MSRA: variants seen among roughly 807,000 people sequenced by gnomAD.
MSRA encodes mitochondrial peptide methionine sulfoxide reductase.
A neutral mutation model predicts 31.3 loss-of-function variants in MSRA; 54 were observed. That is an observed-to-expected ratio of 1.73 (90% CI 1.39 to 2.17). The LOEUF (loss-of-function observed/expected upper bound fraction) is 2.17. MSRA is among the 30% of genes most tolerant of loss of function. The pLI, the probability that MSRA is intolerant of heterozygous loss-of-function variation, is 0.00. For synonymous variants in MSRA, 169 were observed against 116.5 expected (o/e 1.45, Z -2.90); for missense variants, 507 against 300.9 (o/e 1.69, Z -5.07).
intron 1 of MSRA, among the ~76,000 whole-genome samples, chr8:10,159,936 C>T (rs1232615663): frequency 3.3e-5 from 5 of 152,260 alleles, no homozygotes; most frequent in Admixed American, 2.6e-4. Context: ...TAGGAAGAAA[C>T]GACTTATAAA....
At chr8:10,308,939 G>C (rs1442705978) in intron 4 of MSRA, among the ~76,000 whole-genome samples, 1 of 152,220 alleles carries the variant, frequency 6.6e-6, no homozygotes, top group African/African-American at 2.4e-5. Flanking sequence ...CTGCCACTAA[G>C]ACTGGCCCCT....
At position 10,296,132 on chromosome 8, in the gene MSRA, A is replaced by C. The variant is rs553444100; in HGVS notation, c.332-5402A>C. On this transcript the variant is annotated intron_variant, in intron 3 of 5. Transcript: ENST00000317173. ...AGGGTGTGGATGAAGGCTGAGCTGC[A>C]GTCTCCAGCAGAGGAAGCTCAGTGC... 3.9e-5 allele frequency among the ~76,000 whole-genome samples: 6 copies of C among 152,320 alleles called. No individual in the cohort carries two copies. The South Asian group carries it at 1.2e-3, about 32-fold the overall frequency.
intron 1 of MSRA, among the ~76,000 whole-genome samples, chr8:10,065,392 C>G (rs745887161): frequency 1.3e-5 from 2 of 152,114 alleles, no homozygotes; most frequent in Non-Finnish European, 2.9e-5. Context: ...TGTTTTTTTT[C>G]TTCAGGCTTA....
intron 3 of MSRA, among the ~76,000 whole-genome samples, chr8:10,250,019 C>CCAGTAAAAAATA (rs1797835195): frequency 1.3e-5 from 2 of 152,142 alleles, no homozygotes; most frequent in Non-Finnish European, 2.9e-5. Context: ...AATACTAGTT[C>CCAGTAAAAAATA]CTGTCTTCCA....
At chr8:10,070,631 T>A (rs1797686591) in intron 1 of MSRA, among the ~76,000 whole-genome samples, 1 of 152,164 alleles carries the variant, frequency 6.6e-6, no homozygotes, top group East Asian at 1.9e-4. Flanking sequence ...TGTGCTGCAT[T>A]TTTATAGCCA....
intron 5 of MSRA, among the ~76,000 whole-genome samples, chr8:10,333,820 G>T (rs1024456950): frequency 2.0e-5 from 3 of 150,714 alleles, no homozygotes; most frequent in Non-Finnish European, 4.4e-5. Context: ...CCCCCCCCAC[G>T]CTGAGTGGGA....
intron 2 of MSRA, among the ~76,000 whole-genome samples, chr8:10,230,773 G>A (rs1811399567): frequency 2.0e-5 from 3 of 152,062 alleles, no homozygotes; most frequent in African/African-American, 4.8e-5. Context: ...TTACCTATTT[G>A]TGGGTTTGTT....
At chr8:10,242,092 C>T (rs34487797) in intron 2 of MSRA, among the ~76,000 whole-genome samples, 43,341 of 151,972 alleles carry the variant, frequency 0.29, 8,010 homozygotes, top group Non-Finnish European at 0.43. Context: ...GCCAACATGG[C>T]GAAACCCCAT....
intron 5 of MSRA, among the ~76,000 whole-genome samples, chr8:10,389,774 T>TA (rs1806619358): frequency 6.8e-6 from 1 of 146,614 alleles, no homozygotes; most frequent in Non-Finnish European, 1.5e-5. Context: ...CTTTTTTTTT[T>TA]CCCCAGAAAC....
intron 2 of MSRA, among the ~76,000 whole-genome samples, chr8:10,225,232 C>T (rs1347758524): frequency 6.6e-6 from 1 of 152,214 alleles, no homozygotes; most frequent in Non-Finnish European, 1.5e-5. Flanking sequence ...GCACACCCTC[C>T]CATGTATTCA....
intron 1 of MSRA, among the ~76,000 whole-genome samples, chr8:10,087,879 C>G (rs1798648719): frequency 2.0e-5 from 3 of 152,166 alleles, no homozygotes. Flanking sequence ...TTGGCAAAAT[C>G]TCAGGTAAAC....
At chr8:10,376,587 G>C (rs1335768434) in intron 5 of MSRA, among the ~76,000 whole-genome samples, 1 of 152,156 alleles carries the variant, frequency 6.6e-6, no homozygotes, top group African/African-American at 2.4e-5. Context: ...AAAGCTCTTA[G>C]AATACTACCT....
At chr8:10,109,836 G>A (rs191817229) in intron 1 of MSRA, among the ~76,000 whole-genome samples, 5 of 152,314 alleles carry the variant, frequency 3.3e-5, no homozygotes, top group Non-Finnish European at 5.9e-5. Context: ...GTTCAGGACA[G>A]TGATCAAGTG....
chr8:10,273,270 C>T (rs1429286071), intron 3 of MSRA, among the ~76,000 whole-genome samples: 1 of 152,152 alleles, frequency 6.6e-6, no homozygotes, highest in African/African-American at 2.4e-5. Context: ...AAAACCTGCT[C>T]CCCAGAATTC....
At chr8:10,193,523 G>T (rs990492082) in intron 1 of MSRA, among the ~76,000 whole-genome samples, 1 of 152,158 alleles carries the variant, frequency 6.6e-6, no homozygotes, top group Non-Finnish European at 1.5e-5. Flanking sequence ...CCAAGCAGAC[G>T]GTGCTGCTAT....
chr8:10,358,469 C>T (rs1445127965), intron 5 of MSRA, among the ~76,000 whole-genome samples: 1 of 149,672 alleles, frequency 6.7e-6, no homozygotes, highest in East Asian at 2.1e-4. Flanking sequence ...CCGGTTCTGG[C>T]CTATGGCCTG....
intron 1 of MSRA, among the ~76,000 whole-genome samples, chr8:10,174,393 C>G (rs971798727): frequency 6.6e-6 from 1 of 152,026 alleles, no homozygotes; most frequent in African/African-American, 2.4e-5. Flanking sequence ...GGAGGCTTCC[C>G]GGGAGCAAGT....
intron 4 of MSRA, among the ~76,000 whole-genome samples, chr8:10,313,143 A>T (rs564697387): frequency 6.6e-6 from 1 of 152,314 alleles, no homozygotes; most frequent in Non-Finnish European, 1.5e-5. Context: ...GGCCAGTGGA[A>T]TGAGGAAGAA....
intron 4 of MSRA, among the ~76,000 whole-genome samples, chr8:10,304,463 A>G (rs2129127312): frequency 6.6e-6 from 1 of 152,370 alleles, no homozygotes; most frequent in African/African-American, 2.4e-5. Flanking sequence ...CAAAAAACAA[A>G]CAATAACCAA....
Sources: gnomAD v4.1 joint callset for allele counts (sites outside exome capture counted in the v4.1 genomes callset) on GRCh38, gnomAD v4.1.1 for gene constraint, MANE v1.5 for transcripts, NCBI Gene and HGNC (gene_info 2026-07-23, HGNC 2026-07-21) for gene names.